RYR2: variants seen among roughly 807,000 people sequenced by gnomAD.
RYR2 encodes cardiac muscle ryanodine receptor-calcium release channel.
In RYR2, 227 loss-of-function variants were observed where a neutral mutation model predicts 601.1. The ratio of observed to expected loss-of-function variants is 0.38; its 90% CI spans 0.34 to 0.42. The LOEUF is 0.42. Among genes scored for constraint, RYR2 ranks in the 10% least tolerant of loss-of-function variants. RYR2 has a pLI of 1.00. For synonymous variants in RYR2, 2,223 were observed against 2,175.1 expected (o/e 1.02, Z -0.61); for missense variants, 4,646 against 6,156.5 (o/e 0.75, Z 8.21).
chr1:237,506,431 G>A (rs777635997), intron 22 of RYR2, among the ~76,000 whole-genome samples: 3 of 152,094 alleles, frequency 2.0e-5, no homozygotes, highest in African/African-American at 7.2e-5. Flanking sequence ...CCAGCTACTC[G>A]GGAGGCTGAG....
At position 237,634,673 on chromosome 1, in the gene RYR2, C is replaced by T. The variant is rs7526807; in HGVS notation, c.6689-216C>T. ...TAACTAGCTCAATTGAGTCATTCCA[C>T]AAAGTATACATATATTTCAAAACAT... On this transcript the variant is annotated intron_variant, in intron 43 of 104. Coordinates refer to ENST00000366574, the MANE Select transcript of RYR2 (RefSeq NM_001035.3). Among the ~76,000 whole-genome samples the T allele has an allele frequency of 0.4, 61,146 of 151,930 alleles. 12,631 individuals carry two copies. The highest frequency in any genetic ancestry group is 0.51 in the African/African-American group (20,996 of 41,432).
At chr1:237,135,563 A>G (rs1672681422) in intron 1 of RYR2, among the ~76,000 whole-genome samples, 1 of 147,120 alleles carries the variant, frequency 6.8e-6, no homozygotes, top group Non-Finnish European at 1.5e-5. Flanking sequence ...TTTTTAGTAG[A>G]GATGGGTTTT....
chr1:237,531,057 T>A lies in RYR2; in HGVS notation c.2906+547T>A, dbSNP rs183821129. Among the ~76,000 whole-genome samples, 22 of 152,296 alleles carry A rather than the reference T, an allele frequency of 1.4e-4. No individual in the cohort carries two copies. The South Asian group carries it at 4.1e-3, about 29-fold the overall frequency. ...ATATTTGGGAGTGTGTTATAAAAAT[T>A]GTGTTATTTTCCCAGTGTGTGTTTA... is the stretch of plus-strand genomic sequence containing the variant. On this transcript the variant is annotated intron_variant, in intron 25 of 104. Transcript: ENST00000366574.
At chr1:237,140,582 A>G (rs1440404637) in intron 1 of RYR2, among the ~76,000 whole-genome samples, 1 of 152,242 alleles carries the variant, frequency 6.6e-6, no homozygotes, top group South Asian at 2.1e-4. Context: ...TTAATTAGGG[A>G]TAACATGTTC....
intron 79 of RYR2, among the ~76,000 whole-genome samples, chr1:237,737,196 T>G (rs1212293971): frequency 6.6e-6 from 1 of 152,204 alleles, no homozygotes; most frequent in Non-Finnish European, 1.5e-5. Context: ...TAAAGCTAAA[T>G]CTAGTTTCTT....
rs866611951 is a variant in RYR2, at chr1:237,792,386, T to C, written c.13782+63T>C. 6.0e-4 allele frequency: 492 copies of C among 816,418 alleles called. 3 individuals are homozygous for C. The highest frequency in any genetic ancestry group is 4.0e-3 in the African/African-American group (145 of 36,100). The allele number at this position is 816,418 out of a possible 1,614,324, so 50.6% of individuals were successfully genotyped here. On this transcript the variant is annotated intron_variant, in intron 94 of 104. Coordinates refer to ENST00000366574, the MANE Select transcript of RYR2 (RefSeq NM_001035.3). ...GTGTGTGTGTGTGTGTGTGTGCGTGTGTGTGTGTGTGCGTGTGTGTGTGTG... is the reference window on the plus strand; with the variant it reads ...GTGTGTGTGTGTGTGTGTGTGCGTGCGTGTGTGTGTGCGTGTGTGTGTGTG...
chr1:237,341,536 G>T (rs1288258052), intron 3 of RYR2: 2 of 434,122 alleles, frequency 4.6e-6, no homozygotes, highest in Non-Finnish European at 9.5e-6. Flanking sequence ...TCTGTTTATT[G>T]CCTTCCTATC....
intron 17 of RYR2, among the ~76,000 whole-genome samples, chr1:237,484,554 C>T (rs1662472112): frequency 6.6e-6 from 1 of 152,172 alleles, no homozygotes; most frequent in African/African-American, 2.4e-5. Flanking sequence ...GGGGCAAAAT[C>T]CCCAGGCTAG....
chr1:237,139,693 G>C (rs560231550), intron 1 of RYR2, among the ~76,000 whole-genome samples: 23 of 152,258 alleles, frequency 1.5e-4, no homozygotes, highest in African/African-American at 5.5e-4. Context: ...TTTATGACTA[G>C]AGTCACCTCT....
At chr1:237,107,306 G>A (rs1184196784) in intron 1 of RYR2, among the ~76,000 whole-genome samples, 2 of 151,412 alleles carry the variant, frequency 1.3e-5, no homozygotes, top group South Asian at 2.1e-4. Flanking sequence ...CGGATCACGA[G>A]GTCAGGAGAT....
intron 1 of RYR2, among the ~76,000 whole-genome samples, chr1:237,239,493 G>A (rs1270551416): frequency 6.6e-6 from 1 of 152,110 alleles, no homozygotes; most frequent in Non-Finnish European, 1.5e-5. Flanking sequence ...GAAGCTGGCC[G>A]CCTCACCCTA....
At chr1:237,298,706 T>A (rs2149445761) in intron 2 of RYR2, among the ~76,000 whole-genome samples, 1 of 152,294 alleles carries the variant, frequency 6.6e-6, no homozygotes, top group South Asian at 2.1e-4. Flanking sequence ...TATATTTTTT[T>A]AAAGATTTAT....
chr1:237,325,671 G>C (rs1369783662), intron 2 of RYR2, among the ~76,000 whole-genome samples: 2 of 151,922 alleles, frequency 1.3e-5, no homozygotes, highest in East Asian at 1.9e-4. Flanking sequence ...CTGGGTAACA[G>C]GGCCAGACTC....
intron 100 of RYR2, among the ~76,000 whole-genome samples, chr1:237,810,233 A>G (rs1290476718): frequency 6.6e-6 from 1 of 152,036 alleles, no homozygotes; most frequent in East Asian, 1.9e-4. Context: ...ATTTAACACC[A>G]TAACAAAGGG....
At chr1:237,310,828 C>T (rs1341785877) in intron 2 of RYR2, among the ~76,000 whole-genome samples, 1 of 152,142 alleles carries the variant, frequency 6.6e-6, no homozygotes, top group East Asian at 1.9e-4. Context: ...ATTTACTACA[C>T]AGTTTGACTC....
At chr1:237,648,981 A>G (rs1351692850) in intron 49 of RYR2, among the ~76,000 whole-genome samples, 2 of 152,242 alleles carry the variant, frequency 1.3e-5, no homozygotes, top group African/African-American at 4.8e-5. Context: ...ATGCTTCTCA[A>G]TAAAAGCAAT....
chr1:237,224,431 G>C (rs984324732), intron 1 of RYR2, among the ~76,000 whole-genome samples: 2 of 152,060 alleles, frequency 1.3e-5, no homozygotes, highest in Non-Finnish European at 2.9e-5. Context: ...CTGTGCAGGG[G>C]GTCTATGCCC....
intron 3 of RYR2, among the ~76,000 whole-genome samples, chr1:237,340,317 T>G (rs1190083164): frequency 6.6e-6 from 1 of 152,224 alleles, no homozygotes; most frequent in Non-Finnish European, 1.5e-5. Flanking sequence ...GTTGCTTTTG[T>G]GCATTCTGGA....
At chr1:237,496,901 G>A in intron 20 of RYR2, 149 bp downstream of exon 20, 3 of 938,690 alleles carry the variant, frequency 3.2e-6, no homozygotes, top group Non-Finnish European at 4.7e-6. Context: ...AGAGTGTTGA[G>A]GAACAAGCAG....
Sources: allele counts gnomAD v4.1 joint callset (sites outside exome capture counted in the v4.1 genomes callset), GRCh38; gene constraint gnomAD v4.1.1; transcripts MANE v1.5; gene names NCBI Gene and HGNC (gene_info 2026-07-23, HGNC 2026-07-21).